Variants in RORA observed in about 807,000 individuals in gnomAD.
RORA encodes the protein RAR related orphan receptor A.
Under a neutral mutation model 69.5 loss-of-function variants are expected in RORA, and 7 were observed. That is an observed-to-expected ratio of 0.10 (90% CI 0.06 to 0.19). RORA has a LOEUF of 0.19. Ranked by LOEUF, RORA falls within the 10% of genes least tolerant of loss-of-function variation. RORA has a pLI of 1.00. For missense variants in RORA, 457 were observed against 663.0 expected, an observed-to-expected ratio of 0.69 and a Z score of 3.41; for synonymous variants, 261 against 240.8, an observed-to-expected ratio of 1.08 and a Z score of -0.78.
intron 1 of RORA, among the ~76,000 whole-genome samples, chr15:60,981,218 C>T (rs962816520): frequency 3.3e-5 from 5 of 151,806 alleles, no homozygotes; most frequent in African/African-American, 1.2e-4. Flanking sequence ...TTGCTTCTCT[C>T]TTACTGCTTT....
At chr15:60,788,826 A>G (rs1398581694) in intron 1 of RORA, among the ~76,000 whole-genome samples, 2 of 152,238 alleles carry the variant, frequency 1.3e-5, no homozygotes, top group African/African-American at 4.8e-5. Context: ...GTCCCGCTTA[A>G]TAACATTTTC....
intron 1 of RORA, among the ~76,000 whole-genome samples, chr15:61,091,312 T>G (rs2078702975): frequency 6.6e-6 from 1 of 152,168 alleles, no homozygotes; most frequent in Admixed American, 6.5e-5. Context: ...AAGTGTGTGT[T>G]TAGAGAATGC....
rs187440018 is a variant in RORA, at chr15:60,807,344, A to G, written c.167-128658T>C. 9.8e-5 allele frequency among the ~76,000 whole-genome samples: 15 copies of G among 152,328 alleles called. No individual in the cohort carries two copies. In the East Asian group the frequency reaches 2.3e-3, roughly 23 times the overall value. ...CAAACAAAACAAAACAAAACAAAAC[A>G]AAAACTTAGGAATATACCTAACCAA... On this transcript the variant is annotated intron_variant, in intron 1 of 10. Coordinates refer to ENST00000335670, the MANE Select transcript of RORA (RefSeq NM_134261.3).
At chr15:60,941,279 C>T (rs1892687862) in intron 1 of RORA, among the ~76,000 whole-genome samples, 1 of 152,238 alleles carries the variant, frequency 6.6e-6, no homozygotes, top group African/African-American at 2.4e-5. Context: ...CCTTGGACTT[C>T]AGGTTCCTTG....
chr15:60,513,689 G>A (rs1020245667), intron 4 of RORA, among the ~76,000 whole-genome samples: 5 of 150,902 alleles, frequency 3.3e-5, no homozygotes, highest in African/African-American at 7.3e-5. Flanking sequence ...TTTTGTAGTG[G>A]TGCACAGAGT....
At chr15:60,854,686 A>G (rs975984097) in intron 1 of RORA, among the ~76,000 whole-genome samples, 9 of 152,210 alleles carry the variant, frequency 5.9e-5, no homozygotes, top group Non-Finnish European at 1.0e-4. Flanking sequence ...ACTTATGATG[A>G]TTATCCCTAA....
intron 8 of RORA, 58 bp downstream of exon 8, chr15:60,502,702 A>G (rs2065369668): frequency 1.9e-6 from 2 of 1,059,756 alleles, no homozygotes; most frequent in Middle Eastern, 2.0e-4. Flanking sequence ...CTTTCACTCA[A>G]CCCGCATCTT....
chr15:60,758,765 T>C (rs2071838965), intron 1 of RORA, among the ~76,000 whole-genome samples: 1 of 152,190 alleles, frequency 6.6e-6, no homozygotes, highest in Non-Finnish European at 1.5e-5. Context: ...TGCAAAGTCA[T>C]CCTCAAATTA....
intron 1 of RORA, among the ~76,000 whole-genome samples, chr15:60,778,006 A>G (rs909924768): frequency 4.6e-5 from 7 of 152,246 alleles, no homozygotes; most frequent in African/African-American, 1.7e-4. Flanking sequence ...CCAATAGTCA[A>G]TATGAGCTTC....
At chr15:60,875,826 G>A (rs879758850) in intron 1 of RORA, among the ~76,000 whole-genome samples, 10 of 152,288 alleles carry the variant, frequency 6.6e-5, no homozygotes, top group Admixed American at 5.2e-4. Flanking sequence ...CAGGCCTTCA[G>A]TAGTAGATTC....
chr15:60,506,258 C>T (rs990662204), intron 5 of RORA, among the ~76,000 whole-genome samples: 10 of 152,056 alleles, frequency 6.6e-5, no homozygotes, highest in African/African-American at 2.2e-4. Context: ...TTGGTTTCCT[C>T]ATTTGTAAAA....
intron 1 of RORA, among the ~76,000 whole-genome samples, chr15:61,179,985 C>CA (rs570290376): frequency 0.18 from 25,786 of 143,094 alleles, 2,310 homozygotes; most frequent in South Asian, 0.31. Context: ...AAAAAAAAAA[C>CA]AAAAAAAAAA....
At chr15:60,789,317 C>T (rs937179444) in intron 1 of RORA, among the ~76,000 whole-genome samples, 1 of 152,198 alleles carries the variant, frequency 6.6e-6, no homozygotes, top group Admixed American at 6.5e-5. Flanking sequence ...AGGAAAATGC[C>T]CTCAAACAGC....
intron 1 of RORA, among the ~76,000 whole-genome samples, chr15:60,955,651 CAA>C (rs1195795116): frequency 6.6e-6 from 1 of 152,106 alleles, no homozygotes; most frequent in Non-Finnish European, 1.5e-5. Context: ...TCGATTTTTA[CAA>C]AGTTACAACT....
chr15:60,585,029 T>C (rs2068292496), intron 2 of RORA, among the ~76,000 whole-genome samples: 1 of 152,196 alleles, frequency 6.6e-6, no homozygotes, highest in African/African-American at 2.4e-5. Context: ...TATTATCCTT[T>C]ACAAGCCTGG....
chr15:60,936,085 G>C (rs78830967), intron 1 of RORA, among the ~76,000 whole-genome samples: 1,672 of 152,282 alleles, frequency 0.011, 15 homozygotes, highest in Non-Finnish European at 0.017. Flanking sequence ...CCCATGGGAA[G>C]GTCTGCATAG....
In RORA at chr15:61,166,395, G is replaced by A. The variant is rs1003612629; in HGVS notation, c.166+62658C>T. 1.3e-4 allele frequency among the ~76,000 whole-genome samples: 20 copies of A among 152,192 alleles called. 1 individual carries two copies. Among genetic ancestry groups the A allele is most frequent in the South Asian group, 4.2e-4 (2 of 4,814 alleles). ...GAATCTGTTTAGAGAGGAGGGCCCAGGGACAGCAATAGGAATAAAAACATG... is the reference window on the plus strand; with the variant it reads ...GAATCTGTTTAGAGAGGAGGGCCCAAGGACAGCAATAGGAATAAAAACATG... On this transcript the variant is annotated intron_variant, in intron 1 of 10. Coordinates refer to ENST00000335670, the MANE Select transcript of RORA (RefSeq NM_134261.3).
intron 1 of RORA, among the ~76,000 whole-genome samples, chr15:61,054,888 G>A (rs1337314840): frequency 6.6e-6 from 1 of 151,086 alleles, no homozygotes; most frequent in Non-Finnish European, 1.5e-5. Flanking sequence ...CCAGGCTGGA[G>A]TGCAGGGGTG....
chr15:60,592,247 G>C (rs1003786966), intron 2 of RORA: 1 of 475,120 alleles, frequency 2.1e-6, no homozygotes, highest in African/African-American at 2.1e-5. Flanking sequence ...TGGCCCAGAA[G>C]GCCCTGGCAG....
Sources: allele counts gnomAD v4.1 joint callset (sites outside exome capture counted in the v4.1 genomes callset), GRCh38; gene constraint gnomAD v4.1.1; transcripts MANE v1.5; gene names NCBI Gene and HGNC (gene_info 2026-07-23, HGNC 2026-07-21).